Variants in ITGA9 observed in about 807,000 individuals in gnomAD.
ITGA9 encodes the protein integrin alpha-9.
ITGA9 carries 56 observed loss-of-function variants against 127.8 expected under a neutral mutation model. That is an observed-to-expected ratio of 0.44 (90% confidence interval 0.35 to 0.55). The LOEUF (loss-of-function observed/expected upper bound fraction) is 0.55, where lower values mean the gene tolerates loss of function less well. Ranked by LOEUF, ITGA9 falls within the 20% of genes least tolerant of loss-of-function variation. The pLI is 0.00. For missense variants in ITGA9, 1,196 were observed against 1,347.1 expected (o/e 0.89, Z 1.76); for synonymous variants, 508 against 514.5 (o/e 0.99, Z 0.17).
At chr3:37,686,654 G>C (rs1360282952) in intron 18 of ITGA9, among the ~76,000 whole-genome samples, 1 of 152,166 alleles carries the variant, frequency 6.6e-6, no homozygotes, top group Non-Finnish European at 1.5e-5. Flanking sequence ...CAGTTCGACA[G>C]AAACTTGACA....
chr3:37,812,689 C>T (rs1342639353), intron 27 of ITGA9, among the ~76,000 whole-genome samples: 1 of 152,252 alleles, frequency 6.6e-6, no homozygotes, highest in Non-Finnish European at 1.5e-5. Flanking sequence ...CACACTGTTC[C>T]TTCGGCTTCC....
intron 15 of ITGA9, among the ~76,000 whole-genome samples, chr3:37,568,644 C>T (rs1699572101): frequency 6.6e-6 from 1 of 152,206 alleles, no homozygotes; most frequent in Non-Finnish European, 1.5e-5. Flanking sequence ...CCTAAGTCAT[C>T]TCCCTCAAGT....
chr3:37,648,953 G>T (rs909888953), intron 16 of ITGA9, among the ~76,000 whole-genome samples: 1 of 151,634 alleles, frequency 6.6e-6, no homozygotes, highest in East Asian at 1.9e-4. Context: ...ATGTAACTTG[G>T]GGGGAGCAGA....
intron 15 of ITGA9, among the ~76,000 whole-genome samples, chr3:37,565,795 A>G (rs1483612216): frequency 6.6e-6 from 1 of 152,190 alleles, no homozygotes; most frequent in Non-Finnish European, 1.5e-5. Context: ...CTGCATTTGT[A>G]ACATTCCCAC....
chr3:37,670,456 C>T (rs1358344881), intron 17 of ITGA9, among the ~76,000 whole-genome samples: 9 of 152,108 alleles, frequency 5.9e-5, no homozygotes, highest in South Asian at 2.1e-4. Flanking sequence ...TCTGTGAACC[C>T]GGATAAGGAA....
At chr3:37,792,314 T>C (rs955151729) in intron 26 of ITGA9, among the ~76,000 whole-genome samples, 12 of 152,210 alleles carry the variant, frequency 7.9e-5, no homozygotes, top group African/African-American at 2.9e-4. Flanking sequence ...ACATGATCCG[T>C]GCCCTCCCAG....
At chr3:37,613,978 A>G (rs1459533153) in intron 15 of ITGA9, among the ~76,000 whole-genome samples, 1 of 152,118 alleles carries the variant, frequency 6.6e-6, no homozygotes, top group Non-Finnish European at 1.5e-5. Flanking sequence ...ATTAGATCCC[A>G]TTTGTCAATT....
chr3:37,682,965 C>G (rs1379238270), intron 17 of ITGA9, among the ~76,000 whole-genome samples: 1 of 152,180 alleles, frequency 6.6e-6, no homozygotes, highest in Non-Finnish European at 1.5e-5. Flanking sequence ...CTCCACAGAC[C>G]GTTCACATCA....
intron 17 of ITGA9, among the ~76,000 whole-genome samples, chr3:37,680,860 A>G (rs1700727872): frequency 6.6e-6 from 1 of 152,344 alleles, no homozygotes. Flanking sequence ...ACAATAATAA[A>G]TAATTGCCAC....
At chr3:37,697,616 C>T (rs185894359) in intron 18 of ITGA9, among the ~76,000 whole-genome samples, 221 of 152,032 alleles carry the variant, frequency 1.5e-3, no homozygotes, top group African/African-American at 5.0e-3. Flanking sequence ...ATAGTTTGCT[C>T]AGAATGATGG....
chr3:37,810,546 G>A (rs757618195), intron 27 of ITGA9, among the ~76,000 whole-genome samples: 13 of 152,128 alleles, frequency 8.5e-5, no homozygotes, highest in Non-Finnish European at 1.6e-4. Flanking sequence ...CTCCTGTGTA[G>A]CTAGGATTAT....
At chr3:37,642,120 T>C (rs946027292) in intron 16 of ITGA9, among the ~76,000 whole-genome samples, 1 of 152,114 alleles carries the variant, frequency 6.6e-6, no homozygotes, top group Admixed American at 6.5e-5. Context: ...AAAAAAAATT[T>C]TTTTTTCTGG....
At chr3:37,504,117 T>C (rs1698817028) in intron 6 of ITGA9, among the ~76,000 whole-genome samples, 2 of 152,176 alleles carry the variant, frequency 1.3e-5, no homozygotes, top group South Asian at 4.1e-4. Flanking sequence ...AGGGAGTCGT[T>C]GACTTGCCTT....
At chr3:37,619,980 G>A (rs1700112042) in intron 15 of ITGA9, among the ~76,000 whole-genome samples, 1 of 152,116 alleles carries the variant, frequency 6.6e-6, no homozygotes, top group Non-Finnish European at 1.5e-5. Flanking sequence ...ATTCCTCCCT[G>A]TGAAAGGGGT....
At chr3:37,591,295 G>C (rs1699815729) in intron 15 of ITGA9, among the ~76,000 whole-genome samples, 1 of 152,210 alleles carries the variant, frequency 6.6e-6, no homozygotes, top group Non-Finnish European at 1.5e-5. Context: ...TTATTTGCTG[G>C]AGCATTTTCC....
intron 6 of ITGA9, among the ~76,000 whole-genome samples, chr3:37,504,708 C>T (rs1480077869): frequency 6.6e-6 from 1 of 152,148 alleles, no homozygotes; most frequent in Non-Finnish European, 1.5e-5. Context: ...ATTAGAGGCT[C>T]TTATCAGCTG....
At position 37,523,599 on chromosome 3, in the gene ITGA9, A is replaced by G. The variant is rs748936637; in HGVS notation, c.1315A>G (p.Asn439Asp). The change falls in exon 12 of 28, where the codon AAT becomes GAT. Residue 439 changes from asparagine to aspartate, a missense_variant. Physicochemically the swap from Asn to Asp is conservative, Grantham distance 23 (BLOSUM62 1). Transcript: ENST00000264741. ...SISGGIDMDG[N>D]GYPDVTVGAF... ...ATCGGGAGGCATTGATATGGATGGAAATGGCTATCCTGGTAAGCTGTTTTT... is the reference window on the plus strand; with the variant it reads ...ATCGGGAGGCATTGATATGGATGGAGATGGCTATCCTGGTAAGCTGTTTTT... The G allele has an allele frequency of 1.2e-6, 2 of 1,611,650 alleles. No homozygotes were observed. Among genetic ancestry groups the G allele is most frequent in the African/African-American group, 1.3e-5 (1 of 74,976 alleles).
At chr3:37,484,919 C>G (rs1340604826) in intron 4 of ITGA9, among the ~76,000 whole-genome samples, 1 of 152,168 alleles carries the variant, frequency 6.6e-6, no homozygotes, top group African/African-American at 2.4e-5. Flanking sequence ...ATGCCATGTA[C>G]AACATACTGT....
At chr3:37,682,247 C>T (rs1441349850) in intron 17 of ITGA9, among the ~76,000 whole-genome samples, 1 of 152,210 alleles carries the variant, frequency 6.6e-6, no homozygotes, top group Non-Finnish European at 1.5e-5. Flanking sequence ...ATCTCTGAAA[C>T]TCTCTCCAGT....
Sources: gnomAD v4.1 joint callset for allele counts (sites outside exome capture counted in the v4.1 genomes callset) on GRCh38, gnomAD v4.1.1 for gene constraint, MANE v1.5 for transcripts, NCBI Gene and HGNC (gene_info 2026-07-23, HGNC 2026-07-21) for gene names.